The following FRMD4A variants were observed in gnomAD, a reference collection of about 807,000 sequenced individuals.
FRMD4A encodes FERM domain containing 4A, also known as FERM domain-containing protein 4A.
A neutral mutation model predicts 129.1 loss-of-function variants in FRMD4A; 29 were observed. The ratio of observed to expected loss-of-function variants is 0.22; its 90% CI spans 0.17 to 0.31. The LOEUF is 0.31. Ranked by LOEUF, FRMD4A falls within the 10% of genes least tolerant of loss-of-function variation. The pLI is 1.00. For missense variants in FRMD4A, 1,272 were observed against 1,375.8 expected (o/e 0.92, Z 1.19); for synonymous variants, 634 against 571.6 (o/e 1.11, Z -1.56).
rs3032918 is a variant in FRMD4A at position 13,881,252 on chromosome 10, TAAA to T, written c.46-22343_46-22341del. On this transcript the variant is annotated intron_variant, in intron 2 of 24. Transcript: ENST00000357447. ...GGCAATCTAGTGAGACCCCCATCTC[TAAA>T]AAAAAAAAAAAAAAAAAATTAGCTG... 2.6e-3 allele frequency among the ~76,000 whole-genome samples: 313 copies of T among 120,280 alleles called. 2 individuals are homozygous for T. Among genetic ancestry groups the T allele is most frequent in the African/African-American group, 7.8e-3 (245 of 31,492 alleles). The allele number at this position is 120,280 out of a possible 152,430, so 78.9% of individuals were successfully genotyped here.
intron 2 of FRMD4A, among the ~76,000 whole-genome samples, chr10:14,193,490 ACAGAGTGTG>A (rs2131926477): frequency 7.0e-6 from 1 of 142,144 alleles, no homozygotes; most frequent in East Asian, 2.2e-4. Flanking sequence ...ACACACACAC[ACAGAGTGTG>A]CAATGGAAAC....
Position 14,117,837 on chromosome 10 carries a change from G to C in FRMD4A, c.45+212221C>G, listed in dbSNP as rs7894149. Among the ~76,000 whole-genome samples the C allele has an allele frequency of 8.1e-3, 1,226 of 152,264 alleles. 4 individuals carry two copies. Among genetic ancestry groups the C allele is most frequent in the Non-Finnish European group, 0.013 (891 of 68,020 alleles). On this transcript the variant is annotated intron_variant, in intron 2 of 24. Transcript: ENST00000357447. ...GCAGAAAGGAGTCCTTGTGAGTGTA[G>C]GTCCTCCAAGAAGAACTGAATTGCA...
chr10:14,267,717 T>C (rs1386890671), intron 2 of FRMD4A, among the ~76,000 whole-genome samples: 3 of 152,212 alleles, frequency 2.0e-5, no homozygotes, highest in Non-Finnish European at 4.4e-5. Context: ...TATAAAGAGA[T>C]GAGCACATTT....
Position 13,693,804 on chromosome 10 carries a change from A to G in FRMD4A, c.1117+94T>C, listed in dbSNP as rs996336939. On this transcript the variant is annotated intron_variant, in intron 15 of 24. Transcript: ENST00000357447. ...CCAGCTTTGGAGCAGCTTGCCCTGCAGTCTCCCCAGCTGCAGCTCTCCCCA... is the reference window on the plus strand; with the variant it reads ...CCAGCTTTGGAGCAGCTTGCCCTGCGGTCTCCCCAGCTGCAGCTCTCCCCA... 3.8e-6 allele frequency: 5 copies of G among 1,300,822 alleles called. No homozygotes were observed. In the African/African-American group the frequency reaches 7.3e-5, roughly 19 times the overall value. The allele number at this position is 1,300,822 out of a possible 1,614,324, so 80.6% of individuals were successfully genotyped here. A position where few individuals can be genotyped will look rare whatever the true frequency, so the allele number is the denominator to read the frequency against.
At chr10:14,044,857 A>G (rs1218211229) in intron 2 of FRMD4A, among the ~76,000 whole-genome samples, 1 of 152,226 alleles carries the variant, frequency 6.6e-6, no homozygotes, top group Non-Finnish European at 1.5e-5. Flanking sequence ...TCCAATGCCT[A>G]TCTCTCGTCT....
At chr10:13,684,397 A>T in intron 15 of FRMD4A, 1 of 985,076 alleles carries the variant, frequency 1.0e-6, no homozygotes, top group Non-Finnish European at 1.2e-6. Flanking sequence ...ACATTGTTTG[A>T]GACCCTGGAG....
chr10:14,173,115 C>T (rs1423087849), intron 2 of FRMD4A, among the ~76,000 whole-genome samples: 1 of 152,108 alleles, frequency 6.6e-6, no homozygotes, highest in Non-Finnish European at 1.5e-5. Flanking sequence ...AAAGCTTTGT[C>T]CTATTGACTT....
At chr10:13,822,688 G>C (rs7096941) in intron 3 of FRMD4A, among the ~76,000 whole-genome samples, 4 of 152,164 alleles carry the variant, frequency 2.6e-5, no homozygotes, top group African/African-American at 9.7e-5. Flanking sequence ...ACTGATGCCA[G>C]AGAGCCACTG....
intron 2 of FRMD4A, among the ~76,000 whole-genome samples, chr10:13,910,914 A>G (rs2094934670): frequency 8.2e-6 from 1 of 121,560 alleles, no homozygotes; most frequent in Non-Finnish European, 1.8e-5. Context: ...AAAAAAAAAA[A>G]AAAAAAAAAA....
rs905753261 is a variant in FRMD4A at position 13,703,874 on chromosome 10, G to A, written c.837-2396C>T. On this transcript the variant is annotated intron_variant, in intron 13 of 24. Coordinates refer to ENST00000357447, the MANE Select transcript of FRMD4A (RefSeq NM_018027.5). ...AAAAAAATTAGCTGGGTGTAGTGGCGCACGCCTGTAGTCCCAGCTACTTGG... is the reference window on the plus strand; with the variant it reads ...AAAAAAATTAGCTGGGTGTAGTGGCACACGCCTGTAGTCCCAGCTACTTGG... Among the ~76,000 whole-genome samples, 5 of 152,138 alleles carry A rather than the reference G, an allele frequency of 3.3e-5. No individual in the cohort carries two copies. In the East Asian group the frequency reaches 9.6e-4, roughly 29 times the overall value.
chr10:13,971,158 T>C (rs1034521732), intron 2 of FRMD4A, among the ~76,000 whole-genome samples: 4 of 151,478 alleles, frequency 2.6e-5, no homozygotes, highest in African/African-American at 9.7e-5. Context: ...GCATGCATAC[T>C]CACAGGCACA....
chr10:13,725,973 TA>T (rs2089862773), intron 12 of FRMD4A, among the ~76,000 whole-genome samples: 1 of 152,222 alleles, frequency 6.6e-6, no homozygotes, highest in Non-Finnish European at 1.5e-5. Flanking sequence ...ACAGGGAGGT[TA>T]AATAAATTGC....
intron 2 of FRMD4A, among the ~76,000 whole-genome samples, chr10:14,078,185 G>A (rs570753609): frequency 1.2e-3 from 180 of 152,302 alleles, no homozygotes; most frequent in African/African-American, 3.8e-3. Context: ...AACTTCTACT[G>A]TCTGCTTAGC....
chr10:13,678,537 C>T (rs1281346861), intron 15 of FRMD4A, among the ~76,000 whole-genome samples: 1 of 152,258 alleles, frequency 6.6e-6, no homozygotes, highest in Non-Finnish European at 1.5e-5. Flanking sequence ...ATCTCCAGCA[C>T]TTTGCACTGG....
chr10:13,847,764 G>T (rs950852913), intron 3 of FRMD4A, among the ~76,000 whole-genome samples: 1 of 152,190 alleles, frequency 6.6e-6, no homozygotes, highest in African/African-American at 2.4e-5. Context: ...AAAAAGTTCT[G>T]CAACCAAAAT....
At chr10:14,244,381 A>T (rs1160018544) in intron 2 of FRMD4A, among the ~76,000 whole-genome samples, 4 of 152,178 alleles carry the variant, frequency 2.6e-5, no homozygotes, top group African/African-American at 2.4e-5. Context: ...AGCAGAAGCA[A>T]CAAGTGTCAG....
chr10:14,151,695 C>T (rs1473964118), intron 2 of FRMD4A, among the ~76,000 whole-genome samples: 1 of 152,118 alleles, frequency 6.6e-6, no homozygotes, highest in African/African-American at 2.4e-5. Context: ...GCGATGAGAG[C>T]AGCCCTTCCT....
intron 8 of FRMD4A, among the ~76,000 whole-genome samples, chr10:13,758,491 A>T (rs2091946181): frequency 6.6e-6 from 1 of 152,266 alleles, no homozygotes; most frequent in Non-Finnish European, 1.5e-5. Context: ...TAATAGTGAT[A>T]GATGCAGGAG....
intron 2 of FRMD4A, among the ~76,000 whole-genome samples, chr10:14,064,130 C>T (rs1409544882): frequency 1.3e-5 from 2 of 152,336 alleles, no homozygotes; most frequent in East Asian, 3.9e-4. Flanking sequence ...TAATTCCTCC[C>T]CAGCTGGGTG....
Sources: allele counts gnomAD v4.1 joint callset (sites outside exome capture counted in the v4.1 genomes callset), GRCh38; gene constraint gnomAD v4.1.1; transcripts MANE v1.5; gene names NCBI Gene and HGNC (gene_info 2026-07-23, HGNC 2026-07-21).